Variants in DPY19L1 observed in about 807,000 individuals in gnomAD.
The protein encoded by DPY19L1 is dpy-19 like C-mannosyltransferase 1.
A neutral mutation model predicts 96.9 loss-of-function variants in DPY19L1; 35 were observed. The observed-to-expected ratio is 0.36, with a 90% CI of 0.28 to 0.48. The LOEUF is 0.48. DPY19L1 is among the 20% of genes least tolerant of loss of function. The pLI is 0.99. For missense variants in DPY19L1, 521 were observed against 777.9 expected (o/e 0.67, Z 3.93); for synonymous variants, 205 against 252.6 (o/e 0.81, Z 1.79).
intron 6 of DPY19L1, among the ~76,000 whole-genome samples, chr7:34,995,911 G>A (rs950620125): frequency 2.1e-5 from 3 of 140,576 alleles, no homozygotes; most frequent in South Asian, 2.5e-4. Context: ...TACTCATGGC[G>A]GCGGTGGGGG....
At chr7:34,951,815 A>T (rs1784272085) in intron 13 of DPY19L1, among the ~76,000 whole-genome samples, 1 of 151,972 alleles carries the variant, frequency 6.6e-6, no homozygotes, top group Non-Finnish European at 1.5e-5. Context: ...AACAAAAAGC[A>T]AAATGAAAAA....
intron 13 of DPY19L1, among the ~76,000 whole-genome samples, chr7:34,952,823 A>T (rs1053163918): frequency 1.3e-4 from 19 of 151,738 alleles, no homozygotes; most frequent in African/African-American, 3.1e-4. Context: ...ACAAAATTAT[A>T]AAAAAAACAC....
chr7:35,037,264 G>A lies in DPY19L1; in HGVS notation c.131C>T (p.Pro44Leu), dbSNP rs1786449454. Residue 44 changes from proline (P) to leucine (L), a missense_variant, in exon 1 of 22, where the codon CCC becomes CTC. Coordinates refer to ENST00000638088, the MANE Select transcript of DPY19L1 (RefSeq NM_001366673.1). ...GGCGCCCTTGCGCCCCGGGGACAGG[G>A]GCGCGCGCTCGGGCCCCGGCTCCCC... ...GAGEPGPERA[P>L]LSPGRKGAAG... 1.3e-5 allele frequency: 4 copies of A among 309,318 alleles called. No homozygotes were observed. Among genetic ancestry groups the A allele is most frequent in the Admixed American group, 1.0e-4 (2 of 19,536 alleles). The allele number at this position is 309,318 out of a possible 1,614,324, so 19.2% of individuals were successfully genotyped here.
intron 6 of DPY19L1, among the ~76,000 whole-genome samples, chr7:35,006,934 T>G (rs890814078): frequency 7.2e-5 from 11 of 152,194 alleles, no homozygotes; most frequent in Non-Finnish European, 1.5e-4. Flanking sequence ...AATCTCAACT[T>G]TTATTTCTCA....
intron 21 of DPY19L1, among the ~76,000 whole-genome samples, chr7:34,934,410 A>G (rs1783821889): frequency 6.6e-6 from 1 of 152,190 alleles, no homozygotes; most frequent in Non-Finnish European, 1.5e-5. Context: ...GATCTATTCT[A>G]CTGTTTTTAA....
Position 34,970,892 on chromosome 7 carries a change from GCTA to G in DPY19L1, c.915-1363_915-1361del, listed in dbSNP as rs1408872621. 2.0e-5 allele frequency among the ~76,000 whole-genome samples: 3 copies of G among 150,590 alleles called. No homozygotes were observed. In the East Asian group the frequency reaches 5.8e-4, roughly 29 times the overall value. On this transcript the variant is annotated intron_variant, in intron 8 of 21. Transcript: ENST00000638088. ...AACAACCAAGAAAAAGCTAAGCTGTGCTACTATTAGGTGGGTATATAAACTGAA... is the reference window on the plus strand; with the variant it reads ...AACAACCAAGAAAAAGCTAAGCTGTGCTATTAGGTGGGTATATAAACTGAA...
At chr7:34,968,748 G>A (rs62461950) in intron 9 of DPY19L1, among the ~76,000 whole-genome samples, 7,969 of 104,142 alleles carry the variant, frequency 0.077, 326 homozygotes, top group Middle Eastern at 0.39. Flanking sequence ...TAGCCTGGGC[G>A]ACAGAGAAAG....
intron 7 of DPY19L1, among the ~76,000 whole-genome samples, chr7:34,980,571 C>A (rs2526545): frequency 2.4e-4 from 36 of 151,866 alleles, no homozygotes; most frequent in Non-Finnish European, 4.9e-4. Flanking sequence ...AAGAACTCCA[C>A]AGAATTGACA....
chr7:34,974,379 A>ATGC (rs1784790656), intron 7 of DPY19L1, among the ~76,000 whole-genome samples: 2 of 152,190 alleles, frequency 1.3e-5, no homozygotes, highest in African/African-American at 2.4e-5. Flanking sequence ...CGGGTACCTA[A>ATGC]AAAGATTCCA....
chr7:34,987,301 C>T (rs1785071062), intron 7 of DPY19L1, among the ~76,000 whole-genome samples: 1 of 151,988 alleles, frequency 6.6e-6, no homozygotes, highest in Non-Finnish European at 1.5e-5. Flanking sequence ...GAATGTATAA[C>T]CTCAACATTA....
At chr7:35,007,406 A>G (rs1424983728) in intron 6 of DPY19L1, among the ~76,000 whole-genome samples, 2 of 152,212 alleles carry the variant, frequency 1.3e-5, no homozygotes, top group Admixed American at 6.5e-5. Context: ...AAAGCAGTCA[A>G]ATGGGCAGAG....
In DPY19L1 at chr7:34,995,198, T is replaced by C. The variant is rs542912496; in HGVS notation, c.765-5257A>G. Reference sequence around the variant, plus strand: ...ATGTCCACCCTCTCGCCCCAATCCATAGAGGCTACTAAGTCCTTTTATTTT... The same window carrying C: ...ATGTCCACCCTCTCGCCCCAATCCACAGAGGCTACTAAGTCCTTTTATTTT... On this transcript the variant is annotated intron_variant, in intron 6 of 21. Transcript: ENST00000638088. 1.2e-4 allele frequency among the ~76,000 whole-genome samples: 19 copies of C among 152,280 alleles called. No homozygotes were observed. The East Asian group carries it at 2.5e-3, about 20-fold the overall frequency.
At chr7:34,973,460 A>C (rs1784768965) in intron 8 of DPY19L1, 54 bp downstream of exon 8, 2 of 1,161,882 alleles carry the variant, frequency 1.7e-6, no homozygotes, top group Non-Finnish European at 1.2e-6. Context: ...AAGCTTAAGA[A>C]ATTTTAGTTA....
At chr7:34,981,578 G>A (rs1189887889) in intron 7 of DPY19L1, among the ~76,000 whole-genome samples, 1 of 152,168 alleles carries the variant, frequency 6.6e-6, no homozygotes, top group Non-Finnish European at 1.5e-5. Flanking sequence ...TTCAATAACA[G>A]GACAAATTGG....
At chr7:35,030,998 G>A (rs545010368) in intron 1 of DPY19L1, among the ~76,000 whole-genome samples, 1 of 152,290 alleles carries the variant, frequency 6.6e-6, no homozygotes, top group South Asian at 2.1e-4. Flanking sequence ...TCCCCTGGAA[G>A]AGTAATGTCT....
rs149160555 is a variant in DPY19L1 at position 34,990,362 on chromosome 7, A to C, written c.765-421T>G. 6.2e-3 allele frequency among the ~76,000 whole-genome samples: 947 copies of C among 152,320 alleles called. 13 individuals carry two copies. The highest frequency in any genetic ancestry group is 0.022 in the African/African-American group (900 of 41,574). ...AAAAGGGAGAGAAAGACGTGCAAGG[A>C]AAGGGATCCATGGTCATAAGGATGG... is the stretch of plus-strand genomic sequence containing the variant. On this transcript the variant is annotated intron_variant, in intron 6 of 21. Transcript: ENST00000638088.
chr7:35,000,392 C>G (rs1785397464), intron 6 of DPY19L1: 1 of 152,144 alleles, frequency 6.6e-6, no homozygotes, highest in Non-Finnish European at 1.5e-5. Context: ...AGTCATCTTA[C>G]CTGGAGAATG....
In DPY19L1 at chr7:34,930,633, A is replaced by C. The variant is rs186119157; in HGVS notation, c.*940T>G. On this transcript the variant is annotated 3_prime_UTR_variant, in exon 22 of 22. Coordinates refer to ENST00000638088, the MANE Select transcript of DPY19L1 (RefSeq NM_001366673.1). ...ACTGTTCCACTATAAATGATGTCTA[A>C]TCAAATATACATTAGTTTCTAGATG... is the stretch of plus-strand genomic sequence containing the variant. The C allele has an allele frequency of 5.1e-3, 770 of 152,332 alleles. 5 individuals are homozygous for C. The highest frequency in any genetic ancestry group is 0.018 in the African/African-American group (732 of 41,576). 9.4% of individuals were successfully genotyped at this position (152,332 alleles called of 1,614,324 possible). A position where few individuals can be genotyped will look rare whatever the true frequency, so the allele number is the denominator to read the frequency against.
chr7:34,935,213 C>G (rs531063170), intron 21 of DPY19L1, among the ~76,000 whole-genome samples: 7 of 152,270 alleles, frequency 4.6e-5, no homozygotes, highest in African/African-American at 1.7e-4. Flanking sequence ...CACAGTTTTC[C>G]TGAGTTCAAC....
Sources: gnomAD v4.1 joint callset for allele counts (sites outside exome capture counted in the v4.1 genomes callset) on GRCh38, gnomAD v4.1.1 for gene constraint, MANE v1.5 for transcripts, NCBI Gene and HGNC (gene_info 2026-07-23, HGNC 2026-07-21) for gene names.